BMP2K: variants seen among roughly 807,000 people sequenced by gnomAD.
The protein encoded by BMP2K is BMP2 inducible kinase, also known as BMP-2-inducible protein kinase.
A neutral mutation model predicts 116.0 loss-of-function variants in BMP2K; 74 were observed. The ratio of observed to expected loss-of-function variants is 0.64; its 90% CI spans 0.53 to 0.77. BMP2K has a LOEUF of 0.77. BMP2K is among the 30% of genes least tolerant of loss of function. The pLI, the probability that BMP2K is intolerant of heterozygous loss-of-function variation, is 0.00. For synonymous variants in BMP2K, 486 were observed against 502.5 expected (o/e 0.97, Z 0.44); for missense variants, 1,365 against 1,403.6 (o/e 0.97, Z 0.44).
intron 1 of BMP2K, among the ~76,000 whole-genome samples, chr4:78,821,555 G>A (rs1167700427): frequency 6.6e-6 from 1 of 152,124 alleles, no homozygotes; most frequent in Non-Finnish European, 1.5e-5. Flanking sequence ...CCATGCCCCA[G>A]AATGTTTCCT....
Position 78,914,030 on chromosome 4 carries a change from A to G in BMP2K, c.*1997A>G, listed in dbSNP as rs1473849158. 6.6e-6 allele frequency: 1 copy of G among 152,066 alleles called. No homozygotes were observed. The highest frequency in any genetic ancestry group is 2.4e-5 in the African/African-American group (1 of 41,434). 9.4% of individuals were successfully genotyped at this position (152,066 alleles called of 1,614,324 possible). A position where few individuals can be genotyped will look rare whatever the true frequency, so the allele number is the denominator to read the frequency against. ...AAAAGTGAAGAGTTGATGATTACAC[A>G]TAGTAAATTCATGAACTACAGTAGG... On this transcript the variant is annotated 3_prime_UTR_variant, in exon 16 of 16. Transcript: ENST00000502613.
intron 4 of BMP2K, among the ~76,000 whole-genome samples, chr4:78,844,161 C>T (rs1730889927): frequency 6.6e-6 from 1 of 151,860 alleles, no homozygotes; most frequent in African/African-American, 2.4e-5. Flanking sequence ...AAGCACTTTA[C>T]ATATTTTAAC....
intron 1 of BMP2K, among the ~76,000 whole-genome samples, chr4:78,825,055 T>G (rs184192160): frequency 6.6e-6 from 1 of 152,136 alleles, no homozygotes; most frequent in Admixed American, 6.5e-5. Flanking sequence ...ATACAAAAAA[T>G]TAGCCAGGTG....
rs958244230 is a variant in BMP2K, at chr4:78,820,444, T to G, written c.179-5593T>G. Among the ~76,000 whole-genome samples, 3 of 152,318 alleles carry G rather than the reference T, an allele frequency of 2.0e-5. No homozygotes were observed. The East Asian group carries it at 5.8e-4, about 29-fold the overall frequency. ...ATTTGCTTGGTGAGCCCTTTTCATA[T>G]GGAAACCGATGTACTTCAAGTTTGA... On this transcript the variant is annotated intron_variant, in intron 1 of 15. Transcript: ENST00000502613.
At chr4:78,797,506 C>A (rs1439634546) in intron 1 of BMP2K, among the ~76,000 whole-genome samples, 1 of 152,114 alleles carries the variant, frequency 6.6e-6, no homozygotes, top group Non-Finnish European at 1.5e-5. Flanking sequence ...CAGAAAACTT[C>A]AGGTTTAATA....
At chr4:78,856,862 T>A (rs1442201949) in intron 7 of BMP2K, among the ~76,000 whole-genome samples, 1 of 152,118 alleles carries the variant, frequency 6.6e-6, no homozygotes, top group Non-Finnish European at 1.5e-5. Flanking sequence ...GCAGAGAACA[T>A]GTATGTTCTT....
chr4:78,801,943 T>C (rs1728588081), intron 1 of BMP2K, among the ~76,000 whole-genome samples: 1 of 152,146 alleles, frequency 6.6e-6, no homozygotes. Flanking sequence ...TGTGACTCTT[T>C]CTTGTATGTT....
chr4:78,905,005 T>G (rs1734214422), intron 15 of BMP2K, among the ~76,000 whole-genome samples: 1 of 151,938 alleles, frequency 6.6e-6, no homozygotes, highest in African/African-American at 2.4e-5. Flanking sequence ...TAACTCTATA[T>G]TTTTGTATAA....
At position 78,911,436 on chromosome 4, in the gene BMP2K, G is replaced by A; in HGVS notation, c.2889G>A (p.Thr963=). Residue 963 remains threonine, a synonymous_variant, in exon 16 of 16, where the codon ACG becomes ACA. Transcript: ENST00000502613. ...GGCTTGTGCCCTTTGATGAAATAAC[G>A]GGGAGCCAGCAGCAAAAAGTCAAAC... ...LFGLVPFDEI[T]GSQQQKVKQR... 3.1e-6 allele frequency: 5 copies of A among 1,614,016 alleles called. No homozygotes were observed. In the South Asian group the frequency reaches 3.3e-5, roughly 11 times the overall value.
chr4:78,847,345 C>A, intron 6 of BMP2K, 76 bp downstream of exon 6: 3 of 1,095,196 alleles, frequency 2.7e-6, no homozygotes, highest in South Asian at 1.9e-5. Context: ...TTTTACTCTG[C>A]TCCCCAAAAG....
chr4:78,864,511 A>G (rs1414417360), intron 9 of BMP2K, among the ~76,000 whole-genome samples: 1 of 151,678 alleles, frequency 6.6e-6, no homozygotes, highest in African/African-American at 2.4e-5. Context: ...TGTTACTTTC[A>G]GAAAACGGCA....
chr4:78,874,224 C>G (rs180691047), intron 13 of BMP2K, among the ~76,000 whole-genome samples: 3 of 151,774 alleles, frequency 2.0e-5, no homozygotes, highest in Non-Finnish European at 4.4e-5. Context: ...CAGTATTTGC[C>G]GAACTCTTTG....
At chr4:78,834,585 G>A (rs1465003522) in intron 3 of BMP2K, among the ~76,000 whole-genome samples, 1 of 152,028 alleles carries the variant, frequency 6.6e-6, no homozygotes, top group East Asian at 1.9e-4. Flanking sequence ...GTGTGGAAAG[G>A]TGGAGGCAAA....
intron 1 of BMP2K, among the ~76,000 whole-genome samples, chr4:78,808,919 C>T (rs1302684098): frequency 1.3e-5 from 2 of 152,036 alleles, no homozygotes; most frequent in Non-Finnish European, 2.9e-5. Context: ...GATAAATGTG[C>T]ATTTTGCTGT....
chr4:78,803,544 C>G (rs1356421139), intron 1 of BMP2K, among the ~76,000 whole-genome samples: 1 of 151,584 alleles, frequency 6.6e-6, no homozygotes, highest in East Asian at 2.0e-4. Context: ...ACTCCCTGCA[C>G]ATTTTTGTAT....
Position 78,912,223 on chromosome 4 carries a change from G to C in BMP2K, c.*190G>C. ...AGGGTAGTAACTTGATTCCTCTTCAGGAGAAAAGGGAGCTAAATTGCAAGC... is the reference window on the plus strand; with the variant it reads ...AGGGTAGTAACTTGATTCCTCTTCACGAGAAAAGGGAGCTAAATTGCAAGC... On this transcript the variant is annotated 3_prime_UTR_variant, in exon 16 of 16. Coordinates refer to ENST00000502613, the MANE Select transcript of BMP2K (RefSeq NM_198892.2). 3.7e-6 allele frequency: 2 copies of C among 542,052 alleles called. No individual in the cohort carries two copies. Among genetic ancestry groups the C allele is most frequent in the Non-Finnish European group, 6.3e-6 (2 of 316,126 alleles). The allele number at this position is 542,052 out of a possible 1,614,324, so 33.6% of individuals were successfully genotyped here.
In BMP2K at chr4:78,839,007, A is replaced by G. The variant is rs1330878955; in HGVS notation, c.404-3378A>G. Among the ~76,000 whole-genome samples the G allele has an allele frequency of 2.0e-5, 3 of 152,154 alleles. No individual in the cohort carries two copies. In the East Asian group the frequency reaches 5.8e-4, roughly 29 times the overall value. On this transcript the variant is annotated intron_variant, in intron 3 of 15. Coordinates refer to ENST00000502613, the MANE Select transcript of BMP2K (RefSeq NM_198892.2). ...AATTATGAAAATTTATTAATTTTTA[A>G]TGTATGTTTTTAGGAAGTATTCTAC...
At chr4:78,827,669 G>C (rs1288848844) in intron 2 of BMP2K, among the ~76,000 whole-genome samples, 1 of 152,030 alleles carries the variant, frequency 6.6e-6, no homozygotes, top group African/African-American at 2.4e-5. Flanking sequence ...TCCATAGGTT[G>C]TGTGGCCAGG....
At chr4:78,906,423 AC>A (rs1428194013) in intron 15 of BMP2K, among the ~76,000 whole-genome samples, 1 of 152,174 alleles carries the variant, frequency 6.6e-6, no homozygotes, top group Non-Finnish European at 1.5e-5. Flanking sequence ...AGTTGCCCGT[AC>A]TATTTGCAGA....
Sources: allele counts gnomAD v4.1 joint callset (sites outside exome capture counted in the v4.1 genomes callset), GRCh38; gene constraint gnomAD v4.1.1; transcripts MANE v1.5; gene names NCBI Gene and HGNC (gene_info 2026-07-23, HGNC 2026-07-21).